NOL8: variants seen among roughly 807,000 people sequenced by gnomAD.
The protein encoded by NOL8 is nucleolar protein 8, also known as nucleolar protein Nop132.
Under a neutral mutation model 116.1 loss-of-function variants are expected in NOL8, and 93 were observed. The observed-to-expected ratio is 0.80, with a 90% CI of 0.68 to 0.95. The LOEUF is 0.95. NOL8 is among the 40% of genes least tolerant of loss of function. The pLI, the probability that NOL8 is intolerant of heterozygous loss-of-function variation, is 0.00. For missense variants in NOL8, 1,291 were observed against 1,382.8 expected (o/e 0.93, Z 1.05); for synonymous variants, 419 against 469.0 (o/e 0.89, Z 1.38).
chr9:92,318,033 CAAAAAAA>C (rs745928872), intron 6 of NOL8, among the ~76,000 whole-genome samples: 9,122 of 34,080 alleles, frequency 0.27, 315 homozygotes, highest in Non-Finnish European at 0.29. Flanking sequence ...GACTCCATCT[CAAAAAAA>C]AAAAAAAAAA....
intron 6 of NOL8, among the ~76,000 whole-genome samples, chr9:92,316,754 G>T (rs567501919): frequency 6.6e-6 from 1 of 152,012 alleles, no homozygotes; most frequent in African/African-American, 2.4e-5. Flanking sequence ...CCAGGAGTTC[G>T]AGACCAGCCT....
chr9:92,311,903 T>C (rs1838829229), intron 7 of NOL8, among the ~76,000 whole-genome samples: 1 of 152,292 alleles, frequency 6.6e-6, no homozygotes, highest in East Asian at 1.9e-4. Flanking sequence ...TGCACACATA[T>C]GTTTATTGGA....
At chr9:92,305,433 A>T (rs1838146385) in intron 12 of NOL8, among the ~76,000 whole-genome samples, 1 of 152,208 alleles carries the variant, frequency 6.6e-6, no homozygotes, top group African/African-American at 2.4e-5. Flanking sequence ...TAAAGAAATA[A>T]TTTTTGTGAT....
In NOL8 at chr9:92,314,255, A is replaced by G. The variant is rs761268056; in HGVS notation, c.2358+12T>C. 28 of 1,546,818 alleles carry G rather than the reference A, an allele frequency of 1.8e-5. No individual in the cohort carries two copies. Among genetic ancestry groups the G allele is most frequent in the Non-Finnish European group, 2.3e-5 (26 of 1,146,898 alleles). On this transcript the variant is annotated intron_variant, in intron 7 of 16. Transcript: ENST00000442668. ...AGTTCTTGTTAAATCCATACATTGA[A>G]AATATACTCACCAAATTTGCCAGAG...
chr9:92,301,423 T>G (rs1837732994), intron 13 of NOL8, 128 bp downstream of exon 13: 1 of 720,612 alleles, frequency 1.4e-6, no homozygotes. Flanking sequence ...ACACTAAATC[T>G]CAAATCTTCT....
At chr9:92,316,843 G>C (rs1839457092) in intron 6 of NOL8, among the ~76,000 whole-genome samples, 1 of 152,148 alleles carries the variant, frequency 6.6e-6, no homozygotes, top group Non-Finnish European at 1.5e-5. Context: ...CCAGGCCTAT[G>C]TCGACACTAT....
At chr9:92,314,220 GAA>G in intron 7 of NOL8, 45 bp downstream of exon 7, 1 of 1,501,622 alleles carries the variant, frequency 6.7e-7, no homozygotes, top group Non-Finnish European at 8.9e-7. Context: ...AAGAAAAGCT[GAA>G]CTTTCTGAGT....
chr9:92,308,578 T>C (rs904784213), intron 10 of NOL8, among the ~76,000 whole-genome samples: 4 of 152,064 alleles, frequency 2.6e-5, no homozygotes, highest in Non-Finnish European at 5.9e-5. Flanking sequence ...AGATCCAAAT[T>C]TGAAAAATAC....
chr9:92,312,272 T>C (rs554574989), intron 7 of NOL8, among the ~76,000 whole-genome samples: 4 of 151,614 alleles, frequency 2.6e-5, no homozygotes, highest in African/African-American at 9.7e-5. Context: ...CTAGGTGACA[T>C]GGTGAAACCC....
rs757470560 is a variant in NOL8, at chr9:92,315,070, A to G, written c.1555T>C (p.Phe519Leu). The G allele has an allele frequency of 5.6e-6, 9 of 1,614,006 alleles. No homozygotes were observed. The East Asian group carries it at 1.1e-4, about 20-fold the overall frequency. ...TTGGGGCTCTTGGAGCCTCTGTCAA[A>G]CTTGCATTGGGTGGTGGTTTCTGGT... ...DGPETTTQCK[F>L]DRGSKSPKTP... The change falls in exon 7 of 17, where the codon TTT (phenylalanine) becomes CTT (leucine). Residue 519 changes from phenylalanine (F) to leucine (L), a missense_variant. Phe to Leu is a conservative substitution (Grantham distance 22, BLOSUM62 0). Transcript: ENST00000442668.
At position 92,315,068 on chromosome 9, in the gene NOL8, A is replaced by G. The variant is rs764396779; in HGVS notation, c.1557T>C (p.Phe519=). 1 of 1,614,030 alleles carries G rather than the reference A, an allele frequency of 6.2e-7. No homozygotes were observed. The highest frequency in any genetic ancestry group is 1.7e-5 in the Admixed American group (1 of 60,024). The change falls in exon 7 of 17, where the codon TTT becomes TTC. Residue 519 remains phenylalanine (F), a synonymous_variant. Transcript: ENST00000442668. ...DGPETTTQCK[F]DRGSKSPKTP... ...TCTTGGGGCTCTTGGAGCCTCTGTC[A>G]AACTTGCATTGGGTGGTGGTTTCTG...
chr9:92,301,477 T>TA, intron 13 of NOL8, 74 bp downstream of exon 13: 1 of 1,171,228 alleles, frequency 8.5e-7, no homozygotes, highest in Non-Finnish European at 1.2e-6. Flanking sequence ...TGAAATCTGT[T>TA]ACACTTAATG....
rs957853639 is a variant in NOL8, at chr9:92,318,842, T to C, written c.418-156A>G. 14 of 564,110 alleles carry C rather than the reference T, an allele frequency of 2.5e-5. No individual in the cohort carries two copies. In the Admixed American group the frequency reaches 3.0e-4, roughly 12 times the overall value. 34.9% of individuals were successfully genotyped at this position (564,110 alleles called of 1,614,324 possible). A position where few individuals can be genotyped will look rare whatever the true frequency, so the allele number is the denominator to read the frequency against. ...AAATAAGAGTTACCAAAGAGAAAAA[T>C]TGTGAGAGGAAAGAAAAAAAAAGGA... On this transcript the variant is annotated intron_variant, in intron 5 of 16. Coordinates refer to ENST00000442668, the MANE Select transcript of NOL8 (RefSeq NM_017948.6).
intron 10 of NOL8, among the ~76,000 whole-genome samples, chr9:92,307,503 G>A (rs1838384270): frequency 6.6e-6 from 1 of 152,040 alleles, no homozygotes; most frequent in South Asian, 2.1e-4. Context: ...AGTATTATGG[G>A]AAAAAAACCA....
At position 92,315,925 on chromosome 9, in the gene NOL8, C is replaced by G. The variant is rs7048652; in HGVS notation, c.700G>C (p.Ala234Pro). 1 of 1,613,802 alleles carries G rather than the reference C, an allele frequency of 6.2e-7. No individual in the cohort carries two copies. The change falls in exon 7 of 17, where the codon GCC becomes CCC. Residue 234 changes from alanine to proline, a missense_variant. Physicochemically the swap from Ala to Pro is conservative, Grantham distance 27 (BLOSUM62 -1). Transcript: ENST00000442668. ...QKDESSTGSL[A>P]MSTRPRRVIE... ...ACCCTCCTGGGCCTTGTACTCATGG[C>G]CAGAGACCCAGTGGAACTCTCATCC...
At position 92,310,633 on chromosome 9, in the gene NOL8, C is replaced by T; in HGVS notation, c.2515G>A (p.Asp839Asn). Reference protein sequence around the residue: ...KTSGKLFDSSDDDESDSEDDS... With the variant: ...KTSGKLFDSSNDDESDSEDDS... ...TCTTCAGAATCAGATTCGTCATCAT[C>T]ACTGCTATCAAACAGCTTCCCTGAT... The change falls in exon 9 of 17, where the codon GAT (aspartate) becomes AAT (asparagine). Residue 839 changes from aspartate (D) to asparagine (N), a missense_variant. Asp to Asn is a conservative substitution (Grantham distance 23). Transcript: ENST00000442668. The T allele has an allele frequency of 6.2e-7, 1 of 1,612,642 alleles. No homozygotes were observed. Among genetic ancestry groups the T allele is most frequent in the East Asian group, 2.2e-5 (1 of 44,848 alleles).
intron 14 of NOL8, 46 bp downstream of exon 14, chr9:92,299,844 A>G (rs1407572205): frequency 3.8e-6 from 6 of 1,595,672 alleles, no homozygotes; most frequent in Non-Finnish European, 5.1e-6. Flanking sequence ...TCTAATTCAG[A>G]TTTTACAAAT....
chr9:92,315,199 C>A lies in NOL8; in HGVS notation c.1426G>T (p.Ala476Ser), dbSNP rs775007197. 7.4e-6 allele frequency: 12 copies of A among 1,613,880 alleles called. No homozygotes were observed. In the East Asian group the frequency reaches 2.2e-4, roughly 30 times the overall value. ...ACACGAAGGCAGTTTTTCATCATGG[C>A]ATTATACTCCTCACCTCCTTCAGAG... ...ADSEGGEEYNAMMKNCLRVNL... is the reference protein window; with the variant it reads ...ADSEGGEEYNSMMKNCLRVNL... Residue 476 changes from alanine to serine, a missense_variant, in exon 7 of 17, where the codon GCC (alanine) becomes TCC (serine). Ala to Ser is a moderately conservative substitution (Grantham distance 99, BLOSUM62 1). Transcript: ENST00000442668.
chr9:92,306,261 T>C (rs1417547064), intron 11 of NOL8, among the ~76,000 whole-genome samples: 1 of 152,228 alleles, frequency 6.6e-6, no homozygotes, highest in Non-Finnish European at 1.5e-5. Context: ...CCCAAAGTGC[T>C]AGGATCACAG....
Sources: allele counts gnomAD v4.1 joint callset (sites outside exome capture counted in the v4.1 genomes callset), GRCh38; gene constraint gnomAD v4.1.1; transcripts MANE v1.5; gene names NCBI Gene and HGNC (gene_info 2026-07-23, HGNC 2026-07-21).